OPRM1: variants seen among roughly 807,000 people sequenced by gnomAD.
The protein encoded by OPRM1 is mu-type opioid receptor.
OPRM1 carries 27 observed loss-of-function variants against 31.8 expected under a neutral mutation model. The ratio of observed to expected loss-of-function variants is 0.85; its 90% CI spans 0.63 to 1.17. The LOEUF is 1.17. Ranked by LOEUF, OPRM1 falls within the 50% of genes most tolerant of loss-of-function variation. The pLI, the probability that OPRM1 is intolerant of heterozygous loss-of-function variation, is 0.00. For missense variants in OPRM1, 536 were observed against 511.1 expected, an observed-to-expected ratio of 1.05 and a Z score of -0.47; for synonymous variants, 196 against 189.9, an observed-to-expected ratio of 1.03 and a Z score of -0.26.
chr6:154,145,481 A>G (rs994043645), intron 3 of OPRM1, among the ~76,000 whole-genome samples: 2 of 152,222 alleles, frequency 1.3e-5, no homozygotes, highest in Non-Finnish European at 2.9e-5. Context: ...ACTATAAAAC[A>G]CTGATGACAG....
intron 3 of OPRM1, among the ~76,000 whole-genome samples, chr6:154,239,711 CT>C (rs10712453): frequency 0.37 from 56,382 of 151,218 alleles, 10,805 homozygotes; most frequent in Middle Eastern, 0.48. Flanking sequence ...ACTGAAGAAA[CT>C]TTTTTTTTTG....
chr6:154,163,292 A>G (rs370446582), intron 3 of OPRM1, among the ~76,000 whole-genome samples: 13 of 151,834 alleles, frequency 8.6e-5, no homozygotes, highest in African/African-American at 3.1e-4. Context: ...CCCTAGGCAC[A>G]CTCCCGCCCC....
At position 154,132,169 on chromosome 6, in the gene OPRM1, T is replaced by C. The variant is rs1355917561; in HGVS notation, c.*13448T>C. ...GTATATCAAACAGTGAGCAATTCAC[T>C]AAATTATTTTTACATTACTCCTATT... On this transcript the variant is annotated 3_prime_UTR_variant, in exon 4 of 4. Coordinates refer to ENST00000330432, the MANE Select transcript of OPRM1 (RefSeq NM_000914.5). Among the ~76,000 whole-genome samples the C allele has an allele frequency of 6.6e-6, 1 of 152,204 alleles. No individual in the cohort carries two copies. Among genetic ancestry groups the C allele is most frequent in the Non-Finnish European group, 1.5e-5 (1 of 68,030 alleles).
chr6:154,236,548 C>T (rs1213003903), intron 3 of OPRM1, among the ~76,000 whole-genome samples: 1 of 152,128 alleles, frequency 6.6e-6, no homozygotes, highest in East Asian at 1.9e-4. Flanking sequence ...AGATGGTAAA[C>T]TTCATTAAAA....
At chr6:154,086,759 T>C (rs1046211840) in intron 1 of OPRM1, 1 of 985,228 alleles carries the variant, frequency 1.0e-6, no homozygotes, top group African/African-American at 1.7e-5. Context: ...AGCCACGAAA[T>C]GTAAGGTCTG....
upstream of OPRM1, among the ~76,000 whole-genome samples, chr6:154,036,109 A>AT (rs1779284275): frequency 6.6e-6 from 1 of 152,062 alleles, no homozygotes; most frequent in Non-Finnish European, 1.5e-5. Flanking sequence ...GAAACAGGGA[A>AT]TATACCATAG....
At chr6:154,054,568 A>G (rs1420338212) in intron 1 of OPRM1, among the ~76,000 whole-genome samples, 1 of 152,072 alleles carries the variant, frequency 6.6e-6, no homozygotes, top group Admixed American at 6.5e-5. Flanking sequence ...AAAATATTTA[A>G]CGGATCTGTC....
rs79220505 is a variant in OPRM1, at chr6:154,090,149, T to C, written c.614T>C (p.Met205Thr). Residue 205 changes from methionine (M) to threonine (T), a missense_variant, in exon 2 of 4, where the codon ATG becomes ACG. By Grantham distance (81) the Met-to-Thr change is moderately conservative. Coordinates refer to ENST00000330432, the MANE Select transcript of OPRM1 (RefSeq NM_000914.5). ...TCTTCAGCCATTGGTCTTCCTGTAATGTTCATGGCTACAACAAAATACAGG... is the reference window on the plus strand; with the variant it reads ...TCTTCAGCCATTGGTCTTCCTGTAACGTTCATGGCTACAACAAAATACAGG... ...ILSSAIGLPV[M>T]FMATTKYRQG... is the part of the protein sequence containing the mutation. 139 of 1,613,546 alleles carry C rather than the reference T, an allele frequency of 8.6e-5. No individual in the cohort carries two copies. Among genetic ancestry groups the C allele is most frequent in the Admixed American group, 4.0e-4 (24 of 59,996 alleles).
chr6:154,138,684 G>A (rs868303500), intron 3 of OPRM1, among the ~76,000 whole-genome samples: 4 of 152,204 alleles, frequency 2.6e-5, no homozygotes, highest in African/African-American at 9.7e-5. Flanking sequence ...AACTTTGGGA[G>A]GAACTTAGTT....
chr6:154,090,363 T>C (rs965814166), intron 2 of OPRM1, among the ~76,000 whole-genome samples, 185 bp downstream of exon 2: 3 of 152,258 alleles, frequency 2.0e-5, no homozygotes, highest in African/African-American at 7.2e-5. Context: ...ATTTTAGGCC[T>C]ATTAAATCCT....
intron 3 of OPRM1, among the ~76,000 whole-genome samples, chr6:154,139,208 A>T (rs947165494): frequency 6.6e-6 from 1 of 152,256 alleles, no homozygotes; most frequent in Non-Finnish European, 1.5e-5. Context: ...CTGTCTGGGC[A>T]GCAGGTAAGG....
chr6:154,240,306 G>C (rs1035534745), intron 3 of OPRM1, among the ~76,000 whole-genome samples: 1 of 152,242 alleles, frequency 6.6e-6, no homozygotes, highest in African/African-American at 2.4e-5. Context: ...TAAAGAATAC[G>C]TCCTCTGCTG....
chr6:154,222,055 A>G (rs1424415935), intron 3 of OPRM1, among the ~76,000 whole-genome samples: 1 of 152,224 alleles, frequency 6.6e-6, no homozygotes, highest in Non-Finnish European at 1.5e-5. Flanking sequence ...AAATATACAG[A>G]AGAATTTTTA....
intron 3 of OPRM1, chr6:154,214,222 A>G (rs1778200528): frequency 1.3e-6 from 2 of 1,599,790 alleles, no homozygotes; most frequent in Non-Finnish European, 1.7e-6. Flanking sequence ...ACATACCTTC[A>G]TCCTTTGTAG....
chr6:154,040,971 T>G (rs896597475), intron 1 of OPRM1, among the ~76,000 whole-genome samples: 8 of 127,218 alleles, frequency 6.3e-5, no homozygotes, highest in East Asian at 5.0e-4. Context: ...AATTCGAGGG[T>G]TTTTTTTTTT....
Position 154,118,914 on chromosome 6 carries a change from G to A in OPRM1, c.*193G>A. 7.2e-7 allele frequency: 1 copy of A among 1,396,934 alleles called. No homozygotes were observed. Among genetic ancestry groups the A allele is most frequent in the South Asian group, 1.7e-5 (1 of 59,048 alleles). The allele number at this position is 1,396,934 out of a possible 1,614,324, so 86.5% of individuals were successfully genotyped here. On this transcript the variant is annotated 3_prime_UTR_variant, in exon 4 of 4. Transcript: ENST00000330432. ...ACAGCCAAAAGTAAGTGGAGCATTT[G>A]GAAGGAAAGGAATATACCACACCGA...
chr6:154,220,895 G>T (rs546842336), intron 3 of OPRM1, among the ~76,000 whole-genome samples: 1 of 152,182 alleles, frequency 6.6e-6, no homozygotes, highest in African/African-American at 2.4e-5. Context: ...TATATTAAAC[G>T]CTATAGCAAT....
At chr6:154,148,239 C>G (rs895332696) in intron 3 of OPRM1, among the ~76,000 whole-genome samples, 2 of 152,204 alleles carry the variant, frequency 1.3e-5, no homozygotes, top group African/African-American at 4.8e-5. Flanking sequence ...AAGGAAAGGC[C>G]AATCCATGGG....
intron 3 of OPRM1, chr6:154,221,307 T>C: frequency 6.2e-7 from 1 of 1,613,966 alleles, no homozygotes; most frequent in South Asian, 1.1e-5. Context: ...TCTTGATCTG[T>C]GGATGGCTGA....
Sources: allele counts gnomAD v4.1 joint callset (sites outside exome capture counted in the v4.1 genomes callset), GRCh38; gene constraint gnomAD v4.1.1; transcripts MANE v1.5; gene names NCBI Gene and HGNC (gene_info 2026-07-23, HGNC 2026-07-21).